The following INSL6 variants were observed in gnomAD, a reference collection of about 807,000 sequenced individuals.
The protein encoded by INSL6 is insulin like 6.
A neutral mutation model predicts 9.4 loss-of-function variants in INSL6; 16 were observed. The ratio of observed to expected loss-of-function variants is 1.70; its 90% CI spans 1.15 to 2.59. The LOEUF is 2.59. Among genes scored for constraint, INSL6 ranks in the 30% most tolerant of loss-of-function variants. The probability of loss-of-function intolerance (pLI) is 0.00; values close to 1 mark genes in which losing one functional copy is unlikely to be tolerated. For synonymous variants in INSL6, 154 were observed against 96.9 expected (o/e 1.59, Z -3.46); for missense variants, 391 against 257.3 (o/e 1.52, Z -3.56).
the INSL6 span, chr9:5,113,887 TTA>T: frequency 9.1e-6 from 2 of 218,870 alleles, no homozygotes; most frequent in Non-Finnish European, 9.3e-6. Flanking sequence ...CGTGAAGATC[TTA>T]CAGTCCTCCT....
chr9:5,099,919 A>G, the INSL6 span: 2 of 152,170 alleles, frequency 1.3e-5, no homozygotes, highest in Non-Finnish European at 2.9e-5. Flanking sequence ...CTTTAAAACG[A>G]AAAACTCCTT....
At chr9:5,185,268 GA>G (rs1460979941) in intron 1 of INSL6, 45 bp downstream of exon 1, 5 of 1,612,098 alleles carry the variant, frequency 3.1e-6, no homozygotes, top group Non-Finnish European at 4.2e-6. Context: ...GCAGGAATAA[GA>G]AATATACAGA....
At chr9:5,143,033 G>C (rs1457783297) in intron 2 of INSL6, among the ~76,000 whole-genome samples, 1 of 152,126 alleles carries the variant, frequency 6.6e-6, no homozygotes, top group African/African-American at 2.4e-5. Flanking sequence ...TTTCATCCCA[G>C]GGATAAAGCC....
intron 1 of INSL6, among the ~76,000 whole-genome samples, chr9:5,177,869 T>C (rs889872026): frequency 1.3e-5 from 2 of 151,984 alleles, no homozygotes; most frequent in East Asian, 3.9e-4. Context: ...AGACTGCTTC[T>C]TTCTTTTTCT....
At chr9:5,042,231 G>A in the INSL6 span, among the ~76,000 whole-genome samples, 1 of 146,150 alleles carries the variant, frequency 6.8e-6, no homozygotes, top group East Asian at 2.0e-4. Context: ...TCCGCCTCCC[G>A]GGTTCCCGCC....
At chr9:5,017,750 G>T in the INSL6 span, among the ~76,000 whole-genome samples, 1 of 152,202 alleles carries the variant, frequency 6.6e-6, no homozygotes, top group Non-Finnish European at 1.5e-5. Context: ...TCCAGTTGCA[G>T]ATGAACTTCA....
At chr9:5,144,099 G>A (rs1343250271) in intron 2 of INSL6, among the ~76,000 whole-genome samples, 1 of 152,170 alleles carries the variant, frequency 6.6e-6, no homozygotes, top group African/African-American at 2.4e-5. Context: ...ATGTTAGGTT[G>A]TTAACTTGAG....
intron 1 of INSL6, among the ~76,000 whole-genome samples, chr9:5,181,876 T>C (rs1001483449): frequency 2.0e-5 from 3 of 152,204 alleles, no homozygotes; most frequent in Admixed American, 6.5e-5. Flanking sequence ...AATAGAAATA[T>C]AGTGTCATTT....
chr9:5,048,826 A>T, the INSL6 span, among the ~76,000 whole-genome samples: 1 of 152,234 alleles, frequency 6.6e-6, no homozygotes, highest in Non-Finnish European at 1.5e-5. Context: ...GAAGAGAAAT[A>T]CAGATGTAGA....
chr9:5,097,980 C>T, the INSL6 span: 1 of 152,184 alleles, frequency 6.6e-6, no homozygotes, highest in Admixed American at 6.5e-5. Flanking sequence ...CAACGTTATT[C>T]CGATTATCCT....
chr9:4,998,913 C>T, the INSL6 span, among the ~76,000 whole-genome samples: 1 of 152,012 alleles, frequency 6.6e-6, no homozygotes, highest in Non-Finnish European at 1.5e-5. Flanking sequence ...GCTCCGCCTC[C>T]CGGGTTCACG....
At chr9:5,053,411 T>C in the INSL6 span, among the ~76,000 whole-genome samples, 1 of 152,110 alleles carries the variant, frequency 6.6e-6, no homozygotes, top group Non-Finnish European at 1.5e-5. Context: ...TTTGCCATTA[T>C]TTCCTCCCAT....
the INSL6 span, among the ~76,000 whole-genome samples, chr9:5,106,574 C>G: frequency 6.6e-6 from 1 of 152,224 alleles, no homozygotes; most frequent in Non-Finnish European, 1.5e-5. Flanking sequence ...GATTATAAAT[C>G]ATGCTGCTAT....
intron 3 of INSL6, chr9:5,126,867 T>C: frequency 1.4e-6 from 1 of 738,734 alleles, no homozygotes; most frequent in South Asian, 1.8e-5. Context: ...TGTGGACTAT[T>C]ATTACATATA....
At chr9:5,093,818 G>A in the INSL6 span, among the ~76,000 whole-genome samples, 37 of 152,216 alleles carry the variant, frequency 2.4e-4, no homozygotes, top group Middle Eastern at 3.4e-3. Flanking sequence ...TGGTGTAGCC[G>A]CTATTAAGGG....
the INSL6 span, among the ~76,000 whole-genome samples, chr9:5,117,230 C>T: frequency 4.6e-5 from 7 of 152,210 alleles, no homozygotes; most frequent in South Asian, 2.1e-4. Context: ...TATAAATTAT[C>T]CATTGTCAGG....
chr9:5,056,677 A>G, the INSL6 span, among the ~76,000 whole-genome samples: 1 of 152,174 alleles, frequency 6.6e-6, no homozygotes, highest in East Asian at 1.9e-4. Context: ...TAGTTTAGAA[A>G]AAGCTTGATA....
intron 2 of INSL6, among the ~76,000 whole-genome samples, chr9:5,157,432 G>T (rs1824837542): frequency 6.6e-6 from 1 of 151,982 alleles, no homozygotes; most frequent in East Asian, 1.9e-4. Context: ...GAGACTGTCA[G>T]AAATAAACCC....
intron 3 of INSL6, chr9:5,126,856 C>T (rs1005700498): frequency 2.2e-6 from 2 of 907,484 alleles, no homozygotes; most frequent in African/African-American, 1.7e-5. Flanking sequence ...TTTCACATTG[C>T]TGTGGACTAT....
Sources: allele counts gnomAD v4.1 joint callset (sites outside exome capture counted in the v4.1 genomes callset), GRCh38; gene constraint gnomAD v4.1.1; transcripts MANE v1.5; gene names NCBI Gene and HGNC (gene_info 2026-07-23, HGNC 2026-07-21).